Variants in EGF observed in about 807,000 individuals in gnomAD.
EGF encodes the protein pro-epidermal growth factor.
EGF carries 95 observed loss-of-function variants against 143.8 expected under a neutral mutation model. The observed-to-expected ratio is 0.66, with a 90% CI of 0.56 to 0.78. The LOEUF is 0.78. Among genes scored for constraint, EGF ranks in the 30% least tolerant of loss-of-function variants. The pLI is 0.00. For missense variants in EGF, 1,320 were observed against 1,470.9 expected (o/e 0.90, Z 1.68); for synonymous variants, 510 against 510.5 (o/e 1.00, Z 0.01).
Position 109,942,065 on chromosome 4 carries a change from C to A in EGF, c.327+920C>A, listed in dbSNP as rs146019301. On this transcript the variant is annotated intron_variant, in intron 2 of 23. Transcript: ENST00000265171. ...TAGGTGCTAATCTGTTTTATCACAT[C>A]TCCAATACTTGCTAATCTCACTTTT... Among the ~76,000 whole-genome samples, 31 of 152,332 alleles carry A rather than the reference C, an allele frequency of 2.0e-4. No homozygotes were observed. In the East Asian group the frequency reaches 5.8e-3, roughly 28 times the overall value.
At chr4:109,986,076 T>C (rs1044325240) in intron 16 of EGF, among the ~76,000 whole-genome samples, 4 of 152,168 alleles carry the variant, frequency 2.6e-5, no homozygotes, top group African/African-American at 9.7e-5. Context: ...GTCACTGCTG[T>C]TTTAGAGAAG....
intron 18 of EGF, 150 bp from the exon 19 acceptor site, chr4:109,993,097 A>G (rs1199502167): frequency 1.4e-6 from 1 of 707,982 alleles, no homozygotes; most frequent in Admixed American, 4.2e-5. Context: ...TAAGTATAAT[A>G]AAAAATATAT....
intron 5 of EGF, among the ~76,000 whole-genome samples, chr4:109,945,937 T>G (rs1160421648): frequency 6.6e-6 from 1 of 152,216 alleles, no homozygotes; most frequent in South Asian, 2.1e-4. Context: ...CTATTGTCTT[T>G]GTAAATCTAT....
At chr4:109,999,648 T>C (rs910643075) in intron 20 of EGF, 31 bp from the exon 21 acceptor site, 1 of 1,614,076 alleles carries the variant, frequency 6.2e-7, no homozygotes, top group Non-Finnish European at 8.5e-7. Context: ...GCCAGGCATC[T>C]CTGATGACCT....
At chr4:109,962,086 C>T (rs745307466) in intron 8 of EGF, 101 bp downstream of exon 8, 20 of 1,553,744 alleles carry the variant, frequency 1.3e-5, no homozygotes, top group Admixed American at 1.7e-5. Flanking sequence ...AATTGATTTT[C>T]CAATATTGTA....
chr4:110,011,713 C>T lies in EGF; in HGVS notation c.*258C>T. On this transcript the variant is annotated 3_prime_UTR_variant, in exon 24 of 24. Coordinates refer to ENST00000265171, the MANE Select transcript of EGF (RefSeq NM_001963.6). ...AGAAACCCAAATTGGGACAACAGTG[C>T]TTTGTAAATTGTGTTGTCTTCAGCA... The T allele has an allele frequency of 1.9e-6, 1 of 534,018 alleles. No homozygotes were observed. Among genetic ancestry groups the T allele is most frequent in the Non-Finnish European group, 3.3e-6 (1 of 300,864 alleles). The allele number at this position is 534,018 out of a possible 1,614,324, so 33.1% of individuals were successfully genotyped here.
At chr4:109,921,630 T>A (rs1737800735) in intron 1 of EGF, among the ~76,000 whole-genome samples, 1 of 151,484 alleles carries the variant, frequency 6.6e-6, no homozygotes, top group African/African-American at 2.5e-5. Context: ...CTTCCCAGGG[T>A]GCTATGGACC....
At chr4:110,001,964 C>T (rs969025284) in intron 21 of EGF, 9 of 985,118 alleles carry the variant, frequency 9.1e-6, no homozygotes, top group Admixed American at 6.2e-5. Flanking sequence ...TGCATAACTA[C>T]GTTTGCACTA....
chr4:109,997,900 C>T (rs970728032), intron 20 of EGF, among the ~76,000 whole-genome samples: 1 of 152,188 alleles, frequency 6.6e-6, no homozygotes, highest in African/African-American at 2.4e-5. Context: ...CCTTGTTTAT[C>T]TGTATTGAGT....
chr4:109,919,287 G>GTCTCTCTCTCTCTC (rs58110007), intron 1 of EGF, among the ~76,000 whole-genome samples: 2 of 75,904 alleles, frequency 2.6e-5, no homozygotes, highest in Non-Finnish European at 5.4e-5. Context: ...ATGCTTCTCT[G>GTCTCTCTCTCTCTC]TCTCTCTCTC....
intron 9 of EGF, among the ~76,000 whole-genome samples, chr4:109,963,919 A>G (rs1039043472): frequency 2.0e-5 from 3 of 152,206 alleles, no homozygotes; most frequent in Admixed American, 2.0e-4. Flanking sequence ...CAGGGCCTTC[A>G]TTAATATAGT....
At chr4:110,011,092 C>CT in intron 23 of EGF, 110 bp from the exon 24 acceptor site, 1 of 1,296,206 alleles carries the variant, frequency 7.7e-7, no homozygotes, top group Non-Finnish European at 1.1e-6. Context: ...AATGGGTTAT[C>CT]TTTGTGTCTC....
rs556728393 is a variant in EGF at position 109,989,481 on chromosome 4, C to T, written c.2734+772C>T. ...GAAAACCTAAGAAACTGATAAGAAG[C>T]TCAAATGATACTGCTTTCTCCCACT... On this transcript the variant is annotated intron_variant, in intron 18 of 23. Coordinates refer to ENST00000265171, the MANE Select transcript of EGF (RefSeq NM_001963.6). Among the ~76,000 whole-genome samples the T allele has an allele frequency of 1.6e-4, 24 of 152,282 alleles. No homozygotes were observed. The South Asian group carries it at 5.0e-3, about 32-fold the overall frequency.
At chr4:109,938,424 T>C (rs370713707) in intron 1 of EGF, among the ~76,000 whole-genome samples, 2 of 152,338 alleles carry the variant, frequency 1.3e-5, no homozygotes, top group South Asian at 2.1e-4. Flanking sequence ...CTCACCTTTT[T>C]TCAAGGTTTT....
intron 16 of EGF, among the ~76,000 whole-genome samples, chr4:109,985,082 T>C (rs542558852): frequency 6.6e-5 from 10 of 152,290 alleles, no homozygotes; most frequent in Non-Finnish European, 1.3e-4. Flanking sequence ...GAAAGACTAA[T>C]GGTTGAGGGA....
intron 2 of EGF, among the ~76,000 whole-genome samples, chr4:109,941,623 T>C (rs576568237): frequency 1.3e-5 from 2 of 152,292 alleles, no homozygotes; most frequent in Admixed American, 1.3e-4. Context: ...TCTTACACTG[T>C]GCAGAACAGC....
intron 11 of EGF, among the ~76,000 whole-genome samples, chr4:109,974,206 C>G (rs1248267258): frequency 6.6e-6 from 1 of 152,128 alleles, no homozygotes; most frequent in Non-Finnish European, 1.5e-5. Context: ...ACCAATCCCC[C>G]ACAGATGCCA....
chr4:110,008,063 C>A, intron 22 of EGF, 89 bp from the exon 23 acceptor site: 1 of 1,208,922 alleles, frequency 8.3e-7, no homozygotes, highest in Non-Finnish European at 1.2e-6. Flanking sequence ...GGATGAACAT[C>A]GTAAAGCCAT....
Position 109,941,161 on chromosome 4 carries a change from C to T in EGF, c.327+16C>T, listed in dbSNP as rs1032978459. ...AAGGCAAGAGGTAAAATACCCTTAC[C>T]TACAGTGTTTGAGCTGTTTTTGTAC... is the stretch of plus-strand genomic sequence containing the variant. On this transcript the variant is annotated intron_variant, in intron 2 of 23. Coordinates refer to ENST00000265171, the MANE Select transcript of EGF (RefSeq NM_001963.6). The T allele has an allele frequency of 1.9e-6, 3 of 1,612,142 alleles. No homozygotes were observed. In the African/African-American group the frequency reaches 4.0e-5, roughly 22 times the overall value.
Sources: gnomAD v4.1 joint callset for allele counts (sites outside exome capture counted in the v4.1 genomes callset) on GRCh38, gnomAD v4.1.1 for gene constraint, MANE v1.5 for transcripts, NCBI Gene and HGNC (gene_info 2026-07-23, HGNC 2026-07-21) for gene names.